GRM4: variants seen among roughly 807,000 people sequenced by gnomAD.
GRM4 encodes the protein metabotropic glutamate receptor 4.
In GRM4, 28 loss-of-function variants were observed where a neutral mutation model predicts 81.7. The observed-to-expected ratio is 0.34, with a 90% CI of 0.25 to 0.47. GRM4 has a LOEUF of 0.47. Ranked by LOEUF, GRM4 falls within the 20% of genes least tolerant of loss-of-function variation. The pLI is 1.00. For synonymous variants in GRM4, 488 were observed against 528.8 expected (o/e 0.92, Z 1.06); for missense variants, 948 against 1,290.0 (o/e 0.73, Z 4.06).
At chr6:34,108,169 G>A (rs940443539) in intron 2 of GRM4, among the ~76,000 whole-genome samples, 3 of 152,206 alleles carry the variant, frequency 2.0e-5, no homozygotes, top group East Asian at 1.9e-4. Context: ...CCGCAGCTCC[G>A]TGAGCTTGCC....
Position 34,133,021 on chromosome 6 carries a change from C to A in GRM4, c.476G>T (p.Ser159Ile). Residue 159 changes from serine (S) to isoleucine (I), a missense_variant, in exon 2 of 11, where the codon AGC (serine) becomes ATC (isoleucine). Ser to Ile is a moderately radical substitution (Grantham distance 142, BLOSUM62 -2). Coordinates refer to ENST00000538487, the MANE Select transcript of GRM4 (RefSeq NM_000841.4). The surrounding 1 kb of genome is among the most constrained non-coding windows in gnomAD (Gnocchi z 6.5). Reference protein sequence around the residue: ...RVVGVIGASGSSVSIMVANIL... With the variant: ...RVVGVIGASGISVSIMVANIL... ...GTTGGCCACCATGATGGAGACCGAG[C>A]TCCCTGAAGCACCGATGACACCCAC... is the stretch of plus-strand genomic sequence containing the variant. 1 of 1,612,836 alleles carries A rather than the reference C, an allele frequency of 6.2e-7. No individual in the cohort carries two copies. The highest frequency in any genetic ancestry group is 8.5e-7 in the Non-Finnish European group (1 of 1,179,298).
chr6:34,145,850 T>A, intron 1 of GRM4, 150 bp downstream of exon 1: 30 of 209,990 alleles, frequency 1.4e-4, no homozygotes, highest in Non-Finnish European at 2.1e-4. Context: ...ACCCCACACC[T>A]CCACCTCCGG....
In GRM4 at chr6:34,114,733, C is replaced by T. The variant is rs1406480840; in HGVS notation, c.519+18245G>A. The stretch of plus-strand genomic sequence containing the variant: ...GCCTTGTCAGAACTGCCCTCGCCCT[C>T]CTCTGAGCCCCTAGACCCTCACCTG... On this transcript the variant is annotated intron_variant, in intron 2 of 10. Coordinates refer to ENST00000538487, the MANE Select transcript of GRM4 (RefSeq NM_000841.4). This position sits in a 1 kb window ranked among gnomAD's most constrained non-coding sequence, Gnocchi z 4.3. 6.6e-6 allele frequency among the ~76,000 whole-genome samples: 1 copy of T among 152,126 alleles called. No individual in the cohort carries two copies. The highest frequency in any genetic ancestry group is 2.4e-5 in the African/African-American group (1 of 41,414).
At position 34,036,151 on chromosome 6, in the gene GRM4, C is replaced by T. The variant is rs34858760; in HGVS notation, c.1959G>A (p.Ser653=). Residue 653 remains serine (S), a synonymous_variant, in exon 9 of 11, where the codon TCG becomes TCA. Transcript: ENST00000538487. This position sits in a 1 kb window ranked among gnomAD's most constrained non-coding sequence, Gnocchi z 9.0. ...CTAGTCCCAGGAAGATTCGGCGCAGCGAGCAGGTGCCAAGGTCGGGCTCAG... is the reference window on the plus strand; with the variant it reads ...CTAGTCCCAGGAAGATTCGGCGCAGTGAGCAGGTGCCAAGGTCGGGCTCAG... ...MIAEPDLGTC[S]LRRIFLGLGM... 7.4e-3 allele frequency: 11,936 copies of T among 1,614,160 alleles called. 226 individuals are homozygous for T. Among genetic ancestry groups the T allele is most frequent in the African/African-American group, 0.071 (5,360 of 75,038 alleles).
intron 2 of GRM4, among the ~76,000 whole-genome samples, chr6:34,101,207 A>G (rs1016351239): frequency 3.3e-5 from 5 of 152,134 alleles, no homozygotes; most frequent in Non-Finnish European, 7.4e-5. Context: ...GAGACCTAAC[A>G]CTTACTGGGT....
At chr6:34,032,729 G>A (rs529425819) in intron 9 of GRM4, among the ~76,000 whole-genome samples, 16 of 152,182 alleles carry the variant, frequency 1.1e-4, no homozygotes, top group Non-Finnish European at 2.4e-4. Context: ...GGAATCAGAG[G>A]CTGGTAGGTC....
rs1281777518 is a variant in GRM4 at position 34,064,265 on chromosome 6, T to C, written c.737-2237A>G. ...GAACATTTATGGAGTGTCCAATGCA[T>C]GGGAAATGCTATTCTGCAAATTTTA... On this transcript the variant is annotated intron_variant, in intron 3 of 10. Transcript: ENST00000538487. The surrounding 1 kb of genome is among the most constrained non-coding windows in gnomAD (Gnocchi z 4.4). 1.3e-5 allele frequency among the ~76,000 whole-genome samples: 2 copies of C among 152,112 alleles called. No homozygotes were observed. The highest frequency in any genetic ancestry group is 1.9e-4 in the East Asian group (1 of 5,194).
intron 6 of GRM4, 153 bp downstream of exon 6, chr6:34,056,391 T>C: frequency 1.7e-6 from 1 of 572,228 alleles, no homozygotes; most frequent in Non-Finnish European, 3.0e-6. Flanking sequence ...GCCCCAGGCC[T>C]CCCAACTCCA....
At position 34,115,278 on chromosome 6, in the gene GRM4, A is replaced by G. The variant is rs1487699006; in HGVS notation, c.519+17700T>C. 6.6e-6 allele frequency among the ~76,000 whole-genome samples: 1 copy of G among 152,114 alleles called. No homozygotes were observed. Among genetic ancestry groups the G allele is most frequent in the Non-Finnish European group, 1.5e-5 (1 of 68,024 alleles). ...TGTGTGTGTGTGCATGCGTGTGGCC[A>G]CCCCCGTGGGTGAGGACAGCAGGCA... On this transcript the variant is annotated intron_variant, in intron 2 of 10. Transcript: ENST00000538487. This position sits in a 1 kb window ranked among gnomAD's most constrained non-coding sequence, Gnocchi z 4.1.
At chr6:34,067,166 G>C (rs549492031) in intron 3 of GRM4, among the ~76,000 whole-genome samples, 8 of 152,154 alleles carry the variant, frequency 5.3e-5, no homozygotes, top group African/African-American at 1.9e-4. Flanking sequence ...TAGACACTTC[G>C]TGGATGAAAC....
intron 3 of GRM4, among the ~76,000 whole-genome samples, chr6:34,065,350 C>T (rs1449246483): frequency 6.6e-6 from 1 of 152,036 alleles, no homozygotes; most frequent in African/African-American, 2.4e-5. Flanking sequence ...GCCTCCTCAC[C>T]CTGTGCCCCA....
intron 9 of GRM4, among the ~76,000 whole-genome samples, chr6:34,033,639 G>A (rs372706370): frequency 1.3e-5 from 2 of 152,222 alleles, no homozygotes; most frequent in East Asian, 3.9e-4. Flanking sequence ...GCTCAGACTG[G>A]CGCTCACAGC....
In GRM4 at chr6:34,035,636, C is replaced by T. The variant is rs781435204; in HGVS notation, c.2442+32G>A. On this transcript the variant is annotated intron_variant, in intron 9 of 10. Coordinates refer to ENST00000538487, the MANE Select transcript of GRM4 (RefSeq NM_000841.4). The surrounding 1 kb of genome is among the most constrained non-coding windows in gnomAD (Gnocchi z 6.6). ...GCCCCTTGCTCACTGCCCTCACCTA[C>T]CCACCGTCCACCCCCGGCCCCCACC... 1.5e-6 allele frequency: 2 copies of T among 1,303,632 alleles called. No homozygotes were observed. Among genetic ancestry groups the T allele is most frequent in the Non-Finnish European group, 1.1e-6 (1 of 931,090 alleles). The allele number at this position is 1,303,632 out of a possible 1,614,324, so 80.8% of individuals were successfully genotyped here.
In GRM4 at chr6:34,022,714, G is replaced by T; in HGVS notation, c.*107C>A. ...CCTCAGCACCAAGCCACGTCCGTGG[G>T]TGCCCACGGGCAGGCAAGACAGCTG... is the stretch of plus-strand genomic sequence containing the variant. On this transcript the variant is annotated 3_prime_UTR_variant, in exon 11 of 11. Coordinates refer to ENST00000538487, the MANE Select transcript of GRM4 (RefSeq NM_000841.4). The surrounding 1 kb of genome is among the most constrained non-coding windows in gnomAD (Gnocchi z 5.6). The T allele has an allele frequency of 1.0e-6, 1 of 994,142 alleles. No individual in the cohort carries two copies. Among genetic ancestry groups the T allele is most frequent in the East Asian group, 2.4e-5 (1 of 41,190 alleles). The allele number at this position is 994,142 out of a possible 1,614,324, so 61.6% of individuals were successfully genotyped here.
At chr6:34,081,663 G>A (rs1423823204) in intron 3 of GRM4, among the ~76,000 whole-genome samples, 1 of 152,236 alleles carries the variant, frequency 6.6e-6, no homozygotes, top group Non-Finnish European at 1.5e-5. Flanking sequence ...TGGGACGCAG[G>A]CTGCTGGACA....
chr6:34,036,054 G>A lies in GRM4; in HGVS notation c.2056C>T (p.Arg686Cys), dbSNP rs770191667. 19 of 1,614,024 alleles carry A rather than the reference G, an allele frequency of 1.2e-5. No individual in the cohort carries two copies. Among genetic ancestry groups the A allele is most frequent in the South Asian group, 1.1e-4 (10 of 91,088 alleles). Residue 686 changes from arginine to cysteine, a missense_variant, in exon 9 of 11, where the codon CGC becomes TGC. Physicochemically the swap from Arg to Cys is radical, Grantham distance 180. Transcript: ENST00000538487. The surrounding 1 kb of genome is among the most constrained non-coding windows in gnomAD (Gnocchi z 9.0). Reference protein sequence around the residue: ...RIYRIFEQGKRSVSAPRFISP... With the variant: ...RIYRIFEQGKCSVSAPRFISP... ...ATGAAGCGTGGGGCACTGACCGAGC[G>A]CTTGCCCTGCTCGAAGATGCGGTAG...
chr6:34,055,208 T>C (rs763314977), intron 6 of GRM4: 1 of 152,166 alleles, frequency 6.6e-6, no homozygotes, highest in African/African-American at 2.4e-5. Flanking sequence ...CAGGAATACA[T>C]AAGCCCCACA....
chr6:34,151,424 C>CT (rs1365801459), intron 1 of GRM4, among the ~76,000 whole-genome samples: 1 of 152,224 alleles, frequency 6.6e-6, no homozygotes, highest in Non-Finnish European at 1.5e-5. Context: ...CTCCACATGT[C>CT]CGGGGGCTGT....
intron 6 of GRM4, among the ~76,000 whole-genome samples, chr6:34,043,598 G>A (rs957404991): frequency 1.2e-4 from 18 of 152,188 alleles, no homozygotes; most frequent in African/African-American, 4.1e-4. Flanking sequence ...GGCCAAGGAC[G>A]CACCCAGCCA....
Sources: allele counts gnomAD v4.1 joint callset (sites outside exome capture counted in the v4.1 genomes callset), GRCh38; gene constraint gnomAD v4.1.1; non-coding constraint Gnocchi (gnomAD v3.1); transcripts MANE v1.5; gene names NCBI Gene and HGNC (gene_info 2026-07-23, HGNC 2026-07-21).